The following MALL variants were observed in gnomAD, a reference collection of about 807,000 sequenced individuals.
MALL encodes the protein mal, T cell differentiation protein like, also known as MAL-like protein.
MALL carries 2 observed loss-of-function variants against 10.3 expected under a neutral mutation model. That is an observed-to-expected ratio of 0.19 (90% confidence interval 0.08 to 0.61). The LOEUF (loss-of-function observed/expected upper bound fraction) is 0.61. Ranked by LOEUF, MALL falls within the 20% of genes least tolerant of loss-of-function variation. The probability of loss-of-function intolerance (pLI) is 0.88; values close to 1 mark genes in which losing one functional copy is unlikely to be tolerated. For missense variants in MALL, 39 were observed against 115.2 expected (o/e 0.34, Z 3.03); for synonymous variants, 27 against 51.8 (o/e 0.52, Z 2.05).
At chr2:110,112,749 A>T (rs1256219158) in intron 1 of MALL, among the ~76,000 whole-genome samples, 2 of 152,018 alleles carry the variant, frequency 1.3e-5, no homozygotes, top group Non-Finnish European at 2.9e-5. Flanking sequence ...ATCCAGAGGA[A>T]AAGAAGTCAT....
chr2:110,095,476 G>A (rs1239365759), intron 1 of MALL, among the ~76,000 whole-genome samples: 4 of 152,084 alleles, frequency 2.6e-5, no homozygotes, highest in Non-Finnish European at 5.9e-5. Context: ...CTTAAGGAAA[G>A]ATGGAGCTTA....
chr2:110,104,301 C>A (rs565496274), intron 1 of MALL, among the ~76,000 whole-genome samples: 1 of 152,280 alleles, frequency 6.6e-6, no homozygotes, highest in East Asian at 1.9e-4. Flanking sequence ...ACTGTGTCAA[C>A]AAGTCCTTGT....
At chr2:110,116,768 G>A (rs775564963), upstream of MALL, among the ~76,000 whole-genome samples, 3 of 152,200 alleles carry the variant, frequency 2.0e-5, no homozygotes, top group Non-Finnish European at 4.4e-5. Context: ...TTGAATTGGC[G>A]AACCTTCATT....
intron 1 of MALL, among the ~76,000 whole-genome samples, chr2:110,106,417 C>T (rs1678697858): frequency 6.6e-6 from 1 of 152,186 alleles, no homozygotes; most frequent in South Asian, 2.1e-4. Flanking sequence ...CCAAGGCACA[C>T]ACACTTGCTA....
chr2:110,092,547 G>A (rs757455838), intron 1 of MALL, among the ~76,000 whole-genome samples: 2 of 54,638 alleles, frequency 3.7e-5, no homozygotes, highest in African/African-American at 9.1e-5. Context: ...AACTAAGCCC[G>A]CAATTTTAAT....
intron 1 of MALL, among the ~76,000 whole-genome samples, chr2:110,111,597 C>T (rs1217400777): frequency 2.0e-5 from 3 of 151,964 alleles, no homozygotes; most frequent in Non-Finnish European, 2.9e-5. Context: ...CACAAACAAA[C>T]GGAAACACAT....
At chr2:110,108,200 T>C (rs553981099) in intron 1 of MALL, among the ~76,000 whole-genome samples, 6 of 152,140 alleles carry the variant, frequency 3.9e-5, no homozygotes, top group African/African-American at 1.4e-4. Flanking sequence ...CTGATTCACC[T>C]GAAAAAGAAT....
At chr2:110,115,238 G>C (rs1312768313) in intron 1 of MALL, among the ~76,000 whole-genome samples, 1 of 152,184 alleles carries the variant, frequency 6.6e-6, no homozygotes, top group Non-Finnish European at 1.5e-5. Context: ...GGCACAAATA[G>C]TTGGACAAAA....
upstream of MALL, among the ~76,000 whole-genome samples, chr2:110,117,223 A>G (rs3806525): frequency 0.38 from 57,985 of 151,918 alleles, 11,865 homozygotes; most frequent in East Asian, 0.59. Flanking sequence ...AGCAAAGGAG[A>G]GATTTCTCCA....
intron 1 of MALL, among the ~76,000 whole-genome samples, chr2:110,097,223 G>A (rs1181804519): frequency 6.6e-6 from 1 of 151,994 alleles, no homozygotes; most frequent in Admixed American, 6.6e-5. Flanking sequence ...ATGCATGTGC[G>A]AGTGTCTGTG....
At chr2:110,100,917 G>T (rs1172067504) in intron 1 of MALL, among the ~76,000 whole-genome samples, 1 of 152,224 alleles carries the variant, frequency 6.6e-6, no homozygotes, top group East Asian at 1.9e-4. Flanking sequence ...CCTCTGTGGG[G>T]CTGGAACTCC....
intron 1 of MALL, among the ~76,000 whole-genome samples, chr2:110,097,095 C>CAAAAAAAAAAAA (rs71405880): frequency 2.7e-4 from 38 of 139,108 alleles, no homozygotes; most frequent in East Asian, 6.3e-4. Flanking sequence ...CAAAACAAAA[C>CAAAAAAAAAAAA]AAAAAAAAAA....
chr2:110,100,127 A>G (rs1023629889), intron 1 of MALL, among the ~76,000 whole-genome samples: 2 of 151,988 alleles, frequency 1.3e-5, no homozygotes, highest in African/African-American at 4.8e-5. Flanking sequence ...CTGGCAAACT[A>G]TGAGTGAGAC....
At chr2:110,097,666 C>T in intron 1 of MALL, 3 of 389,212 alleles carry the variant, frequency 7.7e-6, no homozygotes, top group South Asian at 5.6e-5. Flanking sequence ...GGCCAGGGCT[C>T]TGGGCTGTGG....
chr2:110,105,866 A>C (rs1284075987), intron 1 of MALL, among the ~76,000 whole-genome samples: 1 of 152,202 alleles, frequency 6.6e-6, no homozygotes, highest in Non-Finnish European at 1.5e-5. Context: ...CCCTGGCTTC[A>C]GTGAGCTTCA....
intron 1 of MALL, among the ~76,000 whole-genome samples, chr2:110,104,921 T>A (rs1678655541): frequency 6.6e-6 from 1 of 152,176 alleles, no homozygotes; most frequent in Non-Finnish European, 1.5e-5. Flanking sequence ...CTTACAATTG[T>A]TACTTGTCTT....
Position 110,097,107 on chromosome 2 carries a change from A to AAG in MALL, c.106-5339_106-5338dup, listed in dbSNP as rs386390887. The stretch of plus-strand genomic sequence containing the variant: ...AAACAAAACAAAACAAAAAAAAAAA[A>AAG]AGAGAGAGAAAATTCTATATCCCAA... On this transcript the variant is annotated intron_variant, in intron 1 of 3. Transcript: ENST00000272462. Among the ~76,000 whole-genome samples, 116 of 151,822 alleles carry AAG rather than the reference A, an allele frequency of 7.6e-4. 1 individual carries two copies. Among genetic ancestry groups the AAG allele is most frequent in the Middle Eastern group, 3.4e-3 (1 of 294 alleles).
intron 1 of MALL, 47 bp downstream of exon 1, chr2:110,115,641 C>T: frequency 9.0e-7 from 1 of 1,115,494 alleles, no homozygotes; most frequent in Non-Finnish European, 1.2e-6. Context: ...AGGCCGGTCT[C>T]CCCCTCCCTC....
chr2:110,112,573 CAA>C (rs554966814), intron 1 of MALL, among the ~76,000 whole-genome samples: 1 of 146,570 alleles, frequency 6.8e-6, no homozygotes, highest in Non-Finnish European at 1.5e-5. Flanking sequence ...ATCAAAAAAT[CAA>C]AAAAAAAATA....
Sources: allele counts gnomAD v4.1 joint callset (sites outside exome capture counted in the v4.1 genomes callset), GRCh38; gene constraint gnomAD v4.1.1; transcripts MANE v1.5; gene names NCBI Gene and HGNC (gene_info 2026-07-23, HGNC 2026-07-21).